The following SLC1A7 variants were observed in gnomAD, a reference collection of about 807,000 sequenced individuals.
SLC1A7 encodes the protein excitatory amino acid transporter 5.
Under a neutral mutation model 47.7 loss-of-function variants are expected in SLC1A7, and 40 were observed. The observed-to-expected ratio is 0.84, with a 90% CI of 0.65 to 1.09. The LOEUF (loss-of-function observed/expected upper bound fraction) is 1.09, where lower values mean the gene tolerates loss of function less well. SLC1A7 is among the 50% of genes least tolerant of loss of function. The pLI, the probability that SLC1A7 is intolerant of heterozygous loss-of-function variation, is 0.00. For missense variants in SLC1A7, 746 were observed against 769.5 expected (o/e 0.97, Z 0.36); for synonymous variants, 323 against 325.6 (o/e 0.99, Z 0.09).
intron 5 of SLC1A7, among the ~76,000 whole-genome samples, chr1:53,099,456 C>T (rs1629126): frequency 0.33 from 50,071 of 150,192 alleles, 10,033 homozygotes; most frequent in Non-Finnish European, 0.45. Flanking sequence ...CAACCTGCCT[C>T]GGTACACTCA....
At chr1:53,096,678 C>CCT in intron 5 of SLC1A7, among the ~76,000 whole-genome samples, 1 of 151,812 alleles carries the variant, frequency 6.6e-6, no homozygotes, top group South Asian at 2.1e-4. Context: ...CCTCAGTACA[C>CCT]ACACACACCG....
At chr1:53,097,669 A>T (rs1644513624) in intron 5 of SLC1A7, among the ~76,000 whole-genome samples, 1 of 148,284 alleles carries the variant, frequency 6.7e-6, no homozygotes, top group African/African-American at 2.5e-5. Context: ...CCACCTCAGT[A>T]CACTCGCTCT....
chr1:53,105,804 C>T (rs1332114685), intron 3 of SLC1A7, 30 bp from the exon 4 acceptor site: 4 of 1,607,404 alleles, frequency 2.5e-6, no homozygotes. Flanking sequence ...TTGAAAAATT[C>T]CAGAGCCCAG....
intron 2 of SLC1A7, among the ~76,000 whole-genome samples, chr1:53,130,500 C>G (rs1372309031): frequency 1.3e-5 from 2 of 150,734 alleles, no homozygotes; most frequent in Admixed American, 6.6e-5. Flanking sequence ...CCCATCCCCC[C>G]ACTCCCCCGC....
rs190360192 is a variant in SLC1A7 at position 53,121,728 on chromosome 1, T to G, written c.216-6755A>C. Among the ~76,000 whole-genome samples the G allele has an allele frequency of 3.6e-4, 54 of 151,708 alleles. 1 individual carries two copies. In the East Asian group the frequency reaches 9.9e-3, roughly 28 times the overall value. On this transcript the variant is annotated intron_variant, in intron 2 of 10. Transcript: ENST00000371494. ...CGCACTTGGCTTCCACAGCTTGGAGTGCACAAACACCGGGGTGGGAGGGGG... is the reference window on the plus strand; with the variant it reads ...CGCACTTGGCTTCCACAGCTTGGAGGGCACAAACACCGGGGTGGGAGGGGG...
intron 2 of SLC1A7, among the ~76,000 whole-genome samples, chr1:53,127,207 T>C (rs1644892423): frequency 6.6e-6 from 1 of 152,188 alleles, no homozygotes; most frequent in African/African-American, 2.4e-5. Flanking sequence ...CGCTGCCCTC[T>C]GCTGCTTCTT....
At chr1:53,131,870 G>A (rs761076341) in intron 2 of SLC1A7, among the ~76,000 whole-genome samples, 15 of 152,314 alleles carry the variant, frequency 9.8e-5, no homozygotes, top group South Asian at 8.3e-4. Context: ...TGCTGTGGCC[G>A]GGAGGGAACA....
intron 8 of SLC1A7, chr1:53,090,389 G>T: frequency 2.9e-6 from 2 of 690,446 alleles, no homozygotes; most frequent in Non-Finnish European, 4.6e-6. Flanking sequence ...GCCTCTCCAA[G>T]GTCCTGAGTC....
At chr1:53,113,699 C>G (rs532374029) in intron 3 of SLC1A7, among the ~76,000 whole-genome samples, 3 of 152,100 alleles carry the variant, frequency 2.0e-5, no homozygotes, top group Non-Finnish European at 4.4e-5. Context: ...TGGATCATGC[C>G]GCTTCTCTGT....
intron 2 of SLC1A7, among the ~76,000 whole-genome samples, chr1:53,120,630 A>G (rs1213853639): frequency 6.6e-6 from 1 of 152,046 alleles, no homozygotes; most frequent in Non-Finnish European, 1.5e-5. Context: ...CTTAGACATC[A>G]CTGCCTCTGG....
intron 5 of SLC1A7, among the ~76,000 whole-genome samples, chr1:53,099,953 C>G (rs57504996): frequency 0.21 from 31,122 of 150,876 alleles, 3,333 homozygotes; most frequent in Middle Eastern, 0.29. Flanking sequence ...ACCACACCAC[C>G]TCGTTATACT....
intron 2 of SLC1A7, among the ~76,000 whole-genome samples, chr1:53,131,881 G>A (rs993107945): frequency 1.3e-5 from 2 of 152,228 alleles, no homozygotes; most frequent in African/African-American, 4.8e-5. Context: ...GGAGGGAACA[G>A]GGTACAGTAA....
At chr1:53,140,919 G>A (rs2150349614) in intron 1 of SLC1A7, among the ~76,000 whole-genome samples, 1 of 152,278 alleles carries the variant, frequency 6.6e-6, no homozygotes, top group South Asian at 2.1e-4. Context: ...CAGTTCTCCA[G>A]GAGTGGGTGT....
intron 3 of SLC1A7, 107 bp from the exon 4 acceptor site, chr1:53,105,881 C>T: frequency 1.2e-6 from 1 of 867,496 alleles, no homozygotes; most frequent in Non-Finnish European, 1.9e-6. Flanking sequence ...GTCGGGCCTT[C>T]CTCAGGCCAG....
At chr1:53,095,343 G>C (rs1185397387) in intron 5 of SLC1A7, among the ~76,000 whole-genome samples, 1 of 152,072 alleles carries the variant, frequency 6.6e-6, no homozygotes, top group Admixed American at 6.5e-5. Context: ...CGTGCACACA[G>C]ACACAGGCAC....
intron 2 of SLC1A7, among the ~76,000 whole-genome samples, chr1:53,124,249 A>AAC (rs67205575): frequency 7.1e-4 from 5 of 6,998 alleles, no homozygotes; most frequent in African/African-American, 7.7e-4. Flanking sequence ...ATACATACAC[A>AAC]ACACACACAC....
chr1:53,127,574 G>A (rs543847681), intron 2 of SLC1A7, among the ~76,000 whole-genome samples: 45 of 152,228 alleles, frequency 3.0e-4, no homozygotes, highest in Admixed American at 2.7e-3. Context: ...CCGCAGTGTG[G>A]CAGTGCCTGT....
At chr1:53,137,287 C>CAAAAAAAAAAAAAA (rs60113708) in intron 1 of SLC1A7, among the ~76,000 whole-genome samples, 2 of 100,746 alleles carry the variant, frequency 2.0e-5, no homozygotes, top group African/African-American at 3.9e-5. Context: ...ACGCTATCTC[C>CAAAAAAAAAAAAAA]AAAAAAAAAA....
At chr1:53,120,797 C>T (rs116255867) in intron 2 of SLC1A7, among the ~76,000 whole-genome samples, 43 of 152,380 alleles carry the variant, frequency 2.8e-4, no homozygotes, top group African/African-American at 1.0e-3. Context: ...TGCCGGGAGC[C>T]CAGTCCCCGC....
Sources: gnomAD v4.1 joint callset for allele counts (sites outside exome capture counted in the v4.1 genomes callset) on GRCh38, gnomAD v4.1.1 for gene constraint, MANE v1.5 for transcripts, NCBI Gene and HGNC (gene_info 2026-07-23, HGNC 2026-07-21) for gene names.